PRKG1: variants seen among roughly 807,000 people sequenced by gnomAD.
The protein encoded by PRKG1 is protein kinase cGMP-dependent 1, also known as cGMP-dependent protein kinase 1.
In PRKG1, 35 loss-of-function variants were observed where a neutral mutation model predicts 88.1. The ratio of observed to expected loss-of-function variants is 0.40; its 90% CI spans 0.30 to 0.53. The LOEUF (loss-of-function observed/expected upper bound fraction) is 0.53, where lower values mean the gene tolerates loss of function less well. Among genes scored for constraint, PRKG1 ranks in the 20% least tolerant of loss-of-function variants. The pLI is 0.59. For missense variants in PRKG1, 540 were observed against 839.8 expected (o/e 0.64, Z 4.41); for synonymous variants, 303 against 292.5 (o/e 1.04, Z -0.37).
rs142025705 is a variant in PRKG1, at chr10:51,818,522, G to T, written c.698+13832G>T. Among the ~76,000 whole-genome samples, 1,009 of 152,112 alleles carry T rather than the reference G, an allele frequency of 6.6e-3. 11 individuals carry two copies. Among genetic ancestry groups the T allele is most frequent in the African/African-American group, 0.023 (957 of 41,522 alleles). Reference sequence around the variant, plus strand: ...TAGCTCTGACATCTCAAAATACATGGCTGACTACTTTAAATAGATATTTTT... The same window carrying T: ...TAGCTCTGACATCTCAAAATACATGTCTGACTACTTTAAATAGATATTTTT... On this transcript the variant is annotated intron_variant, in intron 4 of 17. Coordinates refer to ENST00000373980, the MANE Select transcript of PRKG1 (RefSeq NM_006258.4).
chr10:51,064,385 C>G (rs900477928), intron 1 of PRKG1, among the ~76,000 whole-genome samples: 2 of 152,074 alleles, frequency 1.3e-5, no homozygotes, highest in Non-Finnish European at 2.9e-5. Flanking sequence ...CTAGAAGTTT[C>G]ACACAGTTAT....
chr10:51,804,406 A>G (rs1298574693), intron 3 of PRKG1, among the ~76,000 whole-genome samples, 179 bp from the exon 4 acceptor site: 4 of 152,100 alleles, frequency 2.6e-5, no homozygotes, highest in African/African-American at 9.7e-5. Flanking sequence ...TTGCCTGTAA[A>G]CATATAGGAC....
chr10:51,896,511 C>G (rs1392626188), intron 4 of PRKG1, among the ~76,000 whole-genome samples: 1 of 151,254 alleles, frequency 6.6e-6, no homozygotes, highest in East Asian at 1.9e-4. Context: ...GTGTTCGAGA[C>G]AAGCCTGGGT....
chr10:51,574,248 T>C (rs548950237), intron 3 of PRKG1, among the ~76,000 whole-genome samples: 19 of 152,024 alleles, frequency 1.2e-4, no homozygotes, highest in African/African-American at 4.3e-4. Flanking sequence ...TGAAGGAACT[T>C]TTTTTCATCA....
intron 2 of PRKG1, among the ~76,000 whole-genome samples, chr10:51,241,673 C>T (rs970248848): frequency 5.3e-5 from 8 of 152,102 alleles, no homozygotes; most frequent in African/African-American, 1.9e-4. Flanking sequence ...TTTTAGGTTG[C>T]AATTGTTGTC....
chr10:51,409,323 C>G (rs1838010357), intron 2 of PRKG1, among the ~76,000 whole-genome samples: 1 of 152,108 alleles, frequency 6.6e-6, no homozygotes, highest in African/African-American at 2.4e-5. Flanking sequence ...GAGTGGAGAC[C>G]ATGGGCATTT....
At chr10:52,049,254 G>A (rs1305504429) in intron 5 of PRKG1, among the ~76,000 whole-genome samples, 1 of 152,132 alleles carries the variant, frequency 6.6e-6, no homozygotes, top group Non-Finnish European at 1.5e-5. Context: ...CCCCAGTGAT[G>A]ACAGCAAGAT....
In PRKG1 at chr10:51,951,827, C is replaced by T. The variant is rs530783734; in HGVS notation, c.762+44257C>T. Among the ~76,000 whole-genome samples the T allele has an allele frequency of 1.1e-4, 17 of 152,238 alleles. 1 individual carries two copies. The South Asian group carries it at 3.3e-3, about 30-fold the overall frequency. ...GGAGTAGTTATGGTCAAAAATAGCTCAAAGGCCAAATCCAGCATGCCTGTT... is the reference window on the plus strand; with the variant it reads ...GGAGTAGTTATGGTCAAAAATAGCTTAAAGGCCAAATCCAGCATGCCTGTT... On this transcript the variant is annotated intron_variant, in intron 5 of 17. Transcript: ENST00000373980.
At chr10:51,827,164 C>T (rs1015019742) in intron 4 of PRKG1, among the ~76,000 whole-genome samples, 5 of 152,080 alleles carry the variant, frequency 3.3e-5, no homozygotes, top group South Asian at 4.1e-4. Flanking sequence ...TCTCAGTATT[C>T]GGATGATTGC....
intron 1 of PRKG1, among the ~76,000 whole-genome samples, chr10:51,000,581 A>G (rs1842877816): frequency 6.6e-6 from 1 of 152,196 alleles, no homozygotes; most frequent in South Asian, 2.1e-4. Flanking sequence ...ATGTTTATAT[A>G]ATTGGTGGCA....
intron 1 of PRKG1, among the ~76,000 whole-genome samples, chr10:51,049,973 C>A (rs911764538): frequency 1.3e-5 from 2 of 151,960 alleles, no homozygotes; most frequent in Admixed American, 1.3e-4. Context: ...TTTATGGAAG[C>A]GTGTGGAAAC....
chr10:51,760,483 T>C (rs1471774396), intron 3 of PRKG1, among the ~76,000 whole-genome samples: 1 of 151,764 alleles, frequency 6.6e-6, no homozygotes, highest in African/African-American at 2.4e-5. Flanking sequence ...TTTTTTTTTT[T>C]TTTTTTGAGA....
intron 3 of PRKG1, among the ~76,000 whole-genome samples, chr10:51,768,364 T>C (rs1444090621): frequency 6.6e-6 from 1 of 152,168 alleles, no homozygotes; most frequent in East Asian, 1.9e-4. Context: ...GCAAAATACT[T>C]TTTAGCTCTA....
chr10:51,226,886 T>C (rs977256315), intron 2 of PRKG1, among the ~76,000 whole-genome samples: 6 of 152,144 alleles, frequency 3.9e-5, no homozygotes, highest in Non-Finnish European at 8.8e-5. Context: ...GAAACTGAAA[T>C]TGAGAATTTT....
intron 9 of PRKG1, among the ~76,000 whole-genome samples, chr10:52,163,913 T>C (rs896156404): frequency 9.8e-5 from 15 of 152,320 alleles, no homozygotes; most frequent in South Asian, 4.1e-4. Flanking sequence ...AAGTCTTGGG[T>C]TCTGCTCCTG....
At chr10:51,274,846 A>G (rs747016224) in intron 2 of PRKG1, among the ~76,000 whole-genome samples, 22 of 152,252 alleles carry the variant, frequency 1.4e-4, no homozygotes, top group Admixed American at 3.9e-4. Context: ...AAAAGTGGGC[A>G]GTATAGTCCC....
chr10:52,091,583 T>C (rs944010094), intron 7 of PRKG1, among the ~76,000 whole-genome samples: 8 of 152,218 alleles, frequency 5.3e-5, no homozygotes, highest in Non-Finnish European at 1.2e-4. Flanking sequence ...TAAATGGAGA[T>C]AAAAGTGTCC....
chr10:51,329,536 G>C (rs1841676835), intron 2 of PRKG1, among the ~76,000 whole-genome samples: 1 of 152,142 alleles, frequency 6.6e-6, no homozygotes. Flanking sequence ...TATACTTTCA[G>C]AGTTTTTGTG....
intron 1 of PRKG1, among the ~76,000 whole-genome samples, chr10:51,019,314 A>G (rs141202579): frequency 6.6e-6 from 1 of 152,292 alleles, no homozygotes; most frequent in African/African-American, 2.4e-5. Flanking sequence ...AGTCTGATAG[A>G]ATAGATTAGG....
Sources: allele counts gnomAD v4.1 joint callset (sites outside exome capture counted in the v4.1 genomes callset), GRCh38; gene constraint gnomAD v4.1.1; transcripts MANE v1.5; gene names NCBI Gene and HGNC (gene_info 2026-07-23, HGNC 2026-07-21).